Variants in NSD2 observed in about 807,000 individuals in gnomAD.
NSD2 encodes the protein nuclear receptor binding SET domain protein 2.
Under a neutral mutation model 139.0 loss-of-function variants are expected in NSD2, and 12 were observed. The ratio of observed to expected loss-of-function variants is 0.09; its 90% CI spans 0.06 to 0.14. The LOEUF is 0.14. Among genes scored for constraint, NSD2 ranks in the 10% least tolerant of loss-of-function variants. The pLI is 1.00. For synonymous variants in NSD2, 669 were observed against 648.7 expected (o/e 1.03, Z -0.48); for missense variants, 1,155 against 1,745.0 (o/e 0.66, Z 6.02).
chr4:1,953,928 A>G (rs958605254), intron 12 of NSD2, among the ~76,000 whole-genome samples: 2 of 151,112 alleles, frequency 1.3e-5, no homozygotes, highest in African/African-American at 4.9e-5. Context: ...CTCCTGCCTC[A>G]GCCTCCTGAG....
chr4:1,950,405 C>T (rs1366289006), intron 9 of NSD2, among the ~76,000 whole-genome samples: 1 of 152,172 alleles, frequency 6.6e-6, no homozygotes, highest in Non-Finnish European at 1.5e-5. Context: ...TTTTACCTTG[C>T]CTTTGCCCAC....
intron 3 of NSD2, among the ~76,000 whole-genome samples, chr4:1,910,329 G>A (rs923050608): frequency 2.0e-5 from 3 of 151,848 alleles, no homozygotes; most frequent in Non-Finnish European, 4.4e-5. Flanking sequence ...AGGTTCAAGT[G>A]ATTCTCCTGC....
chr4:1,953,276 CTTG>C, intron 11 of NSD2, 45 bp from the exon 12 acceptor site: 1 of 1,614,150 alleles, frequency 6.2e-7, no homozygotes, highest in Non-Finnish European at 8.5e-7. Flanking sequence ...CAATTTAATT[CTTG>C]TTCTTTGCAC....
At chr4:1,907,965 G>T (rs559137356) in intron 3 of NSD2, among the ~76,000 whole-genome samples, 2 of 152,034 alleles carry the variant, frequency 1.3e-5, no homozygotes, top group South Asian at 2.1e-4. Context: ...CCCCAAATAC[G>T]TCAGAACAAG....
chr4:1,895,455 C>G (rs1315056831), intron 1 of NSD2, among the ~76,000 whole-genome samples: 2 of 152,146 alleles, frequency 1.3e-5, no homozygotes, highest in Admixed American at 6.5e-5. Context: ...CTTGCTGATT[C>G]TCTCAGATTT....
chr4:1,878,099 C>T (rs1714396018), intron 1 of NSD2, among the ~76,000 whole-genome samples: 1 of 150,660 alleles, frequency 6.6e-6, no homozygotes, highest in Non-Finnish European at 1.5e-5. Flanking sequence ...CTAACTCTGT[C>T]ACCCAGGCTG....
chr4:1,940,002 G>C (rs1722922673), intron 9 of NSD2: 1 of 1,406,442 alleles, frequency 7.1e-7, no homozygotes, highest in East Asian at 2.6e-5. Flanking sequence ...CACAGTGTCT[G>C]TGTACATGTA....
intron 2 of NSD2, 120 bp from the exon 3 acceptor site, chr4:1,904,096 C>T: frequency 8.9e-7 from 1 of 1,120,906 alleles, no homozygotes; most frequent in Non-Finnish European, 1.3e-6. Context: ...CAAGGGAGCA[C>T]ACTCCATTTT....
chr4:1,907,617 T>C (rs540441787), intron 3 of NSD2, among the ~76,000 whole-genome samples: 4 of 122,192 alleles, frequency 3.3e-5, no homozygotes, highest in South Asian at 2.5e-4. Context: ...TTGAATCTCT[T>C]TTTTTTTTTT....
At chr4:1,924,224 C>T (rs921583252) in intron 5 of NSD2, among the ~76,000 whole-genome samples, 1 of 152,136 alleles carries the variant, frequency 6.6e-6, no homozygotes, top group African/African-American at 2.4e-5. Context: ...GTGTGTACAG[C>T]CACCGTTTCA....
intron 3 of NSD2, among the ~76,000 whole-genome samples, chr4:1,913,005 G>T (rs1029622723): frequency 1.3e-5 from 2 of 152,112 alleles, no homozygotes; most frequent in African/African-American, 4.8e-5. Flanking sequence ...ATTAGACATA[G>T]AATATAGACA....
chr4:1,920,908 T>C (rs1272300362), intron 5 of NSD2, among the ~76,000 whole-genome samples: 1 of 151,914 alleles, frequency 6.6e-6, no homozygotes, highest in Non-Finnish European at 1.5e-5. Flanking sequence ...TGTGATGGCA[T>C]GTGCCTGTAG....
intron 5 of NSD2, among the ~76,000 whole-genome samples, chr4:1,925,744 G>T (rs1197883960): frequency 6.6e-6 from 1 of 151,430 alleles, no homozygotes; most frequent in Non-Finnish European, 1.5e-5. Context: ...GTGAAGAAAT[G>T]TACTTCTTTT....
chr4:1,944,783 A>G, intron 9 of NSD2: 1 of 1,064,212 alleles, frequency 9.4e-7, no homozygotes. Flanking sequence ...CTCTAGATGG[A>G]TCTTTGGGCC....
chr4:1,979,101 A>G lies in NSD2; in HGVS notation c.*192A>G, dbSNP rs1727477355. 1 of 589,046 alleles carries G rather than the reference A, an allele frequency of 1.7e-6. No individual in the cohort carries two copies. Among genetic ancestry groups the G allele is most frequent in the African/African-American group, 1.9e-5 (1 of 52,362 alleles). The allele number at this position is 589,046 out of a possible 1,614,324, so 36.5% of individuals were successfully genotyped here. ...AGCAGCGTCCGCTGCGTCTGCACTGATGACCGTCTGAGCCCAGCTCAGCGT... is the reference window on the plus strand; with the variant it reads ...AGCAGCGTCCGCTGCGTCTGCACTGGTGACCGTCTGAGCCCAGCTCAGCGT... On this transcript the variant is annotated 3_prime_UTR_variant, in exon 22 of 22. Transcript: ENST00000508803.
chr4:1,970,220 A>G lies in NSD2; in HGVS notation c.3373-4643A>G, dbSNP rs116011285. On this transcript the variant is annotated intron_variant, in intron 18 of 21. Transcript: ENST00000508803. ...CAAGAATCCTGTAGATACCCAGGCA[A>G]AAAAACAAAACAAAAAGCCTAAATT... Among the ~76,000 whole-genome samples, 220 of 152,310 alleles carry G rather than the reference A, an allele frequency of 1.4e-3. 1 individual carries two copies. The highest frequency in any genetic ancestry group is 2.0e-3 in the Non-Finnish European group (137 of 68,020).
intron 10 of NSD2, 134 bp downstream of exon 10, chr4:1,951,337 G>A: frequency 7.8e-7 from 1 of 1,280,090 alleles, no homozygotes; most frequent in Non-Finnish European, 1.1e-6. Flanking sequence ...ACTCATCTCT[G>A]TTTTGAAGGG....
rs753120179 is a variant in NSD2, at chr4:1,900,665, G to A, written c.11G>A (p.Ser4Asn). 7.3e-5 allele frequency: 115 copies of A among 1,580,862 alleles called. No individual in the cohort carries two copies. The Middle Eastern group carries it at 1.9e-3, about 26-fold the overall frequency. MEF[S>N]IKQSPLSVQS... ...AAGCATCTGGGCTGGATGGAATTTAGCATCAAGCAGAGTCCCCTTTCTGTT... is the reference window on the plus strand; with the variant it reads ...AAGCATCTGGGCTGGATGGAATTTAACATCAAGCAGAGTCCCCTTTCTGTT... The change falls in exon 2 of 22, where the codon AGC becomes AAC. Residue 4 changes from serine to asparagine, a missense_variant. Ser to Asn is a conservative substitution (Grantham distance 46). Transcript: ENST00000508803.
At chr4:1,938,416 C>CTTTTTTTTTTTTTTTTTTTTTTTTTTTAT in intron 7 of NSD2, 35 bp from the exon 8 acceptor site, 1 of 320,274 alleles carries the variant, frequency 3.1e-6, no homozygotes, top group African/African-American at 5.5e-5. Flanking sequence ...TTTTTTCTTT[C>CTTTTTTTTTTTTTTTTTTTTTTTTTTTAT]TTTTTTTTTT....
Sources: allele counts gnomAD v4.1 joint callset (sites outside exome capture counted in the v4.1 genomes callset), GRCh38; gene constraint gnomAD v4.1.1; transcripts MANE v1.5; gene names NCBI Gene and HGNC (gene_info 2026-07-23, HGNC 2026-07-21).